Variants in COG5 observed in about 807,000 individuals in gnomAD.
COG5 encodes component of oligomeric golgi complex 5, also known as conserved oligomeric Golgi complex subunit 5.
A neutral mutation model predicts 110.4 loss-of-function variants in COG5; 86 were observed. The observed-to-expected ratio is 0.78, with a 90% CI of 0.65 to 0.93. The LOEUF (loss-of-function observed/expected upper bound fraction) is 0.93. Among genes scored for constraint, COG5 ranks in the 40% least tolerant of loss-of-function variants. COG5 has a pLI of 0.00. For synonymous variants in COG5, 360 were observed against 334.6 expected (o/e 1.08, Z -0.83); for missense variants, 1,077 against 987.0 (o/e 1.09, Z -1.22).
At chr7:107,531,574 T>A (rs1286575005) in intron 5 of COG5, among the ~76,000 whole-genome samples, 3 of 151,972 alleles carry the variant, frequency 2.0e-5, no homozygotes. Flanking sequence ...CTTTCCCTTA[T>A]TAGTTTTCAA....
At chr7:107,239,334 C>A (rs1403804763) in intron 17 of COG5, among the ~76,000 whole-genome samples, 1 of 152,102 alleles carries the variant, frequency 6.6e-6, no homozygotes, top group Non-Finnish European at 1.5e-5. Context: ...GCCAGCGCAC[C>A]ATGCCATTTT....
At chr7:107,297,337 A>C (rs1806837570) in intron 12 of COG5, among the ~76,000 whole-genome samples, 1 of 151,872 alleles carries the variant, frequency 6.6e-6, no homozygotes, top group Non-Finnish European at 1.5e-5. Flanking sequence ...GATGATGTGC[A>C]TAGGTTATAT....
intron 14 of COG5, among the ~76,000 whole-genome samples, chr7:107,266,771 T>C (rs948031141): frequency 6.6e-6 from 1 of 152,188 alleles, no homozygotes; most frequent in African/African-American, 2.4e-5. Flanking sequence ...CTATGAGTTA[T>C]GTGTGTGTGC....
intron 12 of COG5, 64 bp downstream of exon 12, chr7:107,298,078 G>T (rs1806910974): frequency 1.4e-6 from 1 of 726,050 alleles, no homozygotes; most frequent in South Asian, 3.5e-5. Context: ...AAAAATAAAA[G>T]ATAAAATTTA....
At chr7:107,528,280 G>A (rs1390053837) in intron 5 of COG5, among the ~76,000 whole-genome samples, 2 of 151,962 alleles carry the variant, frequency 1.3e-5, no homozygotes, top group African/African-American at 2.4e-5. Flanking sequence ...GTGGAGATGA[G>A]GTTTTGCCAT....
At position 107,302,123 on chromosome 7, in the gene COG5, G is replaced by T. The variant is rs545717498; in HGVS notation, c.1109-3777C>A. Among the ~76,000 whole-genome samples, 417 of 152,144 alleles carry T rather than the reference G, an allele frequency of 2.7e-3. 3 individuals carry two copies. The highest frequency in any genetic ancestry group is 9.4e-3 in the African/African-American group (388 of 41,478). On this transcript the variant is annotated intron_variant, in intron 11 of 21. Coordinates refer to ENST00000297135, the MANE Select transcript of COG5 (RefSeq NM_006348.5). The stretch of plus-strand genomic sequence containing the variant: ...TCTTTATTTGTAGTAGCAAAAACTG[G>T]AAACAATCCAATGTCCATCAACAGG...
Position 107,500,491 on chromosome 7 carries a change from G to A in COG5, c.538+26746C>T, listed in dbSNP as rs537488999. 3.0e-3 allele frequency among the ~76,000 whole-genome samples: 463 copies of A among 152,176 alleles called. 2 individuals are homozygous for A. Among genetic ancestry groups the A allele is most frequent in the Middle Eastern group, 0.01 (3 of 294 alleles). Reference sequence around the variant, plus strand: ...GCCCACGAAAATAAATTCACCATAAGATATATCCCTAGATATCTAATTTGG... The same window carrying A: ...GCCCACGAAAATAAATTCACCATAAAATATATCCCTAGATATCTAATTTGG... On this transcript the variant is annotated intron_variant, in intron 6 of 21. Coordinates refer to ENST00000297135, the MANE Select transcript of COG5 (RefSeq NM_006348.5).
At chr7:107,291,779 G>C (rs1387909774) in intron 12 of COG5, among the ~76,000 whole-genome samples, 1 of 152,134 alleles carries the variant, frequency 6.6e-6, no homozygotes, top group African/African-American at 2.4e-5. Flanking sequence ...CTGATTCCAG[G>C]AGGGGCTCCT....
chr7:107,417,857 C>T (rs1333163793), intron 6 of COG5, among the ~76,000 whole-genome samples: 2 of 151,948 alleles, frequency 1.3e-5, no homozygotes, highest in Admixed American at 6.6e-5. Flanking sequence ...TGTCTTAAAT[C>T]CCTTTGTATT....
chr7:107,446,329 A>G (rs1323083757), intron 6 of COG5, among the ~76,000 whole-genome samples: 2 of 152,204 alleles, frequency 1.3e-5, no homozygotes, highest in African/African-American at 4.8e-5. Flanking sequence ...TAGAGAGGCT[A>G]AATAACTTGC....
At chr7:107,330,986 C>G (rs1810190814) in intron 10 of COG5, among the ~76,000 whole-genome samples, 1 of 151,922 alleles carries the variant, frequency 6.6e-6, no homozygotes. Context: ...CCACACCCAG[C>G]TAATGGTACA....
chr7:107,371,256 T>C (rs1381582782), intron 8 of COG5, among the ~76,000 whole-genome samples: 1 of 152,130 alleles, frequency 6.6e-6, no homozygotes, highest in African/African-American at 2.4e-5. Context: ...AAAAGTTATA[T>C]ATATTCAGTA....
chr7:107,449,403 T>G (rs1795199857), intron 6 of COG5, among the ~76,000 whole-genome samples: 1 of 152,192 alleles, frequency 6.6e-6, no homozygotes, highest in Non-Finnish European at 1.5e-5. Flanking sequence ...CTGTAACAAT[T>G]TGGTAGCCAC....
intron 6 of COG5, among the ~76,000 whole-genome samples, chr7:107,430,828 G>A (rs1170174608): frequency 6.6e-6 from 1 of 152,098 alleles, no homozygotes; most frequent in East Asian, 1.9e-4. Flanking sequence ...GTCTTGAGAT[G>A]GGGAGGTTAT....
intron 6 of COG5, among the ~76,000 whole-genome samples, chr7:107,521,189 C>T (rs188213980): frequency 2.2e-4 from 33 of 152,228 alleles, no homozygotes; most frequent in African/African-American, 6.0e-4. Context: ...AGTATAAAAA[C>T]GCTAGATGAA....
intron 6 of COG5, among the ~76,000 whole-genome samples, chr7:107,487,442 T>C (rs1438340211): frequency 1.3e-5 from 2 of 152,108 alleles, no homozygotes; most frequent in Non-Finnish European, 2.9e-5. Flanking sequence ...CCTCAAGCAA[T>C]CCTCTCACCT....
chr7:107,413,462 T>C (rs1455783075), intron 6 of COG5, among the ~76,000 whole-genome samples: 1 of 151,788 alleles, frequency 6.6e-6, no homozygotes, highest in East Asian at 1.9e-4. Context: ...GAAAGGTCTA[T>C]ATTATTTTAG....
chr7:107,398,515 T>C (rs1192120955), intron 7 of COG5, among the ~76,000 whole-genome samples: 1 of 152,182 alleles, frequency 6.6e-6, no homozygotes, highest in Non-Finnish European at 1.5e-5. Flanking sequence ...GTGCTCCTTA[T>C]GAGAATCTAA....
chr7:107,363,713 T>C (rs1813340514), intron 8 of COG5, among the ~76,000 whole-genome samples: 1 of 152,090 alleles, frequency 6.6e-6, no homozygotes, highest in Admixed American at 6.6e-5. Context: ...TCCCAGAACT[T>C]TGAGAGGCCA....
Sources: allele counts gnomAD v4.1 joint callset (sites outside exome capture counted in the v4.1 genomes callset), GRCh38; gene constraint gnomAD v4.1.1; transcripts MANE v1.5; gene names NCBI Gene and HGNC (gene_info 2026-07-23, HGNC 2026-07-21).